The following CYYR1 variants were observed in gnomAD, a reference collection of about 807,000 sequenced individuals.
CYYR1 encodes the protein cysteine and tyrosine rich 1, also known as cysteine and tyrosine-rich protein 1.
CYYR1 carries 14 observed loss-of-function variants against 15.2 expected under a neutral mutation model. That is an observed-to-expected ratio of 0.92 (90% CI 0.61 to 1.44). The LOEUF (loss-of-function observed/expected upper bound fraction) is 1.44. CYYR1 is among the 40% of genes most tolerant of loss of function. The probability of loss-of-function intolerance (pLI) is 0.00; values close to 1 mark genes in which losing one functional copy is unlikely to be tolerated. For synonymous variants in CYYR1, 80 were observed against 77.4 expected, an observed-to-expected ratio of 1.03 and a Z score of -0.18; for missense variants, 228 against 209.5, an observed-to-expected ratio of 1.09 and a Z score of -0.54.
At chr21:26,543,258 G>A (rs149119943) in intron 2 of CYYR1, among the ~76,000 whole-genome samples, 16 of 152,216 alleles carry the variant, frequency 1.1e-4, no homozygotes, top group African/African-American at 3.9e-4. Context: ...TAAGTGGTGG[G>A]TTGACAGGTG....
In CYYR1 at chr21:26,533,759, T is replaced by G. The variant is rs192577892; in HGVS notation, c.176+32507A>C. 1.1e-4 allele frequency among the ~76,000 whole-genome samples: 17 copies of G among 152,302 alleles called. No individual in the cohort carries two copies. In the East Asian group the frequency reaches 1.5e-3, roughly 14 times the overall value. On this transcript the variant is annotated intron_variant, in intron 2 of 3. Transcript: ENST00000652641. ...ATTGCTGTTGTTATTGCTGCTGTTG[T>G]TGGTGTGCGTGTGTATGTATTTTCT...
intron 2 of CYYR1, among the ~76,000 whole-genome samples, chr21:26,545,757 A>AT (rs1033081505): frequency 2.5e-4 from 38 of 150,142 alleles, no homozygotes; most frequent in African/African-American, 8.8e-4. Flanking sequence ...TTTTTTTTGT[A>AT]TTTTTTTAGT....
intron 2 of CYYR1, among the ~76,000 whole-genome samples, chr21:26,498,138 G>A (rs1397060227): frequency 6.6e-6 from 1 of 152,056 alleles, no homozygotes. Flanking sequence ...ATTTTTCTAG[G>A]AGCTGTGGAT....
intron 2 of CYYR1, among the ~76,000 whole-genome samples, chr21:26,496,934 C>G (rs2065412845): frequency 6.6e-6 from 1 of 152,126 alleles, no homozygotes; most frequent in Non-Finnish European, 1.5e-5. Flanking sequence ...CAAAAATTTT[C>G]TTTGTTTTTG....
intron 2 of CYYR1, among the ~76,000 whole-genome samples, chr21:26,493,718 C>T (rs2065358727): frequency 6.6e-6 from 1 of 152,042 alleles, no homozygotes; most frequent in South Asian, 2.1e-4. Flanking sequence ...TTTCTGACAC[C>T]TTGTAGGAAA....
rs760085908 is a variant in CYYR1, at chr21:26,468,622, G to A, written c.347C>T (p.Pro116Leu). ...TVSSYPAGPPPYGHDHEMEYC... is the reference protein window; with the variant it reads ...TVSSYPAGPPLYGHDHEMEYC... ...TTCCATCTCGTGGTCGTGACCGTAG[G>A]GTGGTGGTCCTGCTGAAAAAGAAGG... The change falls in exon 4 of 4, where the codon CCC (proline) becomes CTC (leucine). Residue 116 changes from proline to leucine, a missense_variant. Transcript: ENST00000652641. 6.2e-7 allele frequency: 1 copy of A among 1,605,430 alleles called. No homozygotes were observed. Among genetic ancestry groups the A allele is most frequent in the Admixed American group, 1.7e-5 (1 of 58,784 alleles).
intron 2 of CYYR1, among the ~76,000 whole-genome samples, chr21:26,557,078 G>A (rs1446620043): frequency 1.3e-5 from 2 of 152,084 alleles, no homozygotes; most frequent in African/African-American, 2.4e-5. Context: ...TATACGAAAT[G>A]ACTTATTCTG....
intron 3 of CYYR1, among the ~76,000 whole-genome samples, chr21:26,474,398 T>C (rs921956552): frequency 6.9e-6 from 1 of 145,624 alleles, no homozygotes; most frequent in Admixed American, 6.9e-5. Context: ...AAAAGAAGAA[T>C]ACACCGTGCC....
At chr21:26,520,940 C>T (rs555843320) in intron 2 of CYYR1, among the ~76,000 whole-genome samples, 1 of 152,248 alleles carries the variant, frequency 6.6e-6, no homozygotes, top group Non-Finnish European at 1.5e-5. Flanking sequence ...GAACAGAAAA[C>T]CAAACACTGC....
chr21:26,566,291 A>G lies in CYYR1; in HGVS notation c.151T>C (p.Tyr51His), dbSNP rs1384754638. The G allele has an allele frequency of 1.9e-6, 3 of 1,613,602 alleles. No individual in the cohort carries two copies. The African/African-American group carries it at 4.0e-5, about 22-fold the overall frequency. Residue 51 changes from tyrosine to histidine, a missense_variant, in exon 2 of 4, where the codon TAC (tyrosine) becomes CAC (histidine). Coordinates refer to ENST00000652641, the MANE Select transcript of CYYR1 (RefSeq NM_001320768.2). ...GAGAGGATATTCCCAATATAAGCGT[A>G]GTAGGAGCAACAGTAGGGCGTGGTT... is the stretch of plus-strand genomic sequence containing the variant. ...DGTTPYCCSY[Y>H]AYIGNILSGT...
chr21:26,570,122 TG>T (rs1808797075), intron 1 of CYYR1, among the ~76,000 whole-genome samples: 1 of 152,220 alleles, frequency 6.6e-6, no homozygotes, highest in African/African-American at 2.4e-5. Context: ...CAAAGATCAG[TG>T]TTTGCGCCAT....
chr21:26,551,749 C>G (rs1178081656), intron 2 of CYYR1: 1 of 205,348 alleles, frequency 4.9e-6, no homozygotes, highest in African/African-American at 2.4e-5. Flanking sequence ...GAATCTATTC[C>G]TGGTGAAAAT....
intron 2 of CYYR1, among the ~76,000 whole-genome samples, chr21:26,520,843 T>C (rs1341991062): frequency 6.6e-6 from 1 of 152,174 alleles, no homozygotes; most frequent in Admixed American, 6.6e-5. Context: ...ATGTTGAGCT[T>C]TATGCAACCA....
At chr21:26,516,952 A>G (rs2065735283) in intron 2 of CYYR1, among the ~76,000 whole-genome samples, 1 of 150,534 alleles carries the variant, frequency 6.6e-6, no homozygotes, top group Admixed American at 6.6e-5. Context: ...CGTCTCTACT[A>G]AAAATACAAA....
chr21:26,547,926 T>C (rs938382530), intron 2 of CYYR1, among the ~76,000 whole-genome samples: 7 of 41,204 alleles, frequency 1.7e-4, no homozygotes, highest in African/African-American at 8.3e-4. Context: ...AGAAAGTAGC[T>C]AAACGGAGTA....
At chr21:26,518,224 T>C (rs2065759273) in intron 2 of CYYR1, among the ~76,000 whole-genome samples, 1 of 152,178 alleles carries the variant, frequency 6.6e-6, no homozygotes, top group African/African-American at 2.4e-5. Context: ...ACCACTGACA[T>C]TGGTTGTCTG....
At chr21:26,544,388 G>A (rs978689365) in intron 2 of CYYR1, among the ~76,000 whole-genome samples, 3 of 152,250 alleles carry the variant, frequency 2.0e-5, no homozygotes, top group South Asian at 2.1e-4. Context: ...AACAGAAATC[G>A]TAAAATAAGA....
intron 2 of CYYR1, among the ~76,000 whole-genome samples, chr21:26,560,387 T>C (rs2123713107): frequency 6.6e-6 from 1 of 152,262 alleles, no homozygotes; most frequent in African/African-American, 2.4e-5. Flanking sequence ...CAATTTACTT[T>C]CTTCCTTTCC....
chr21:26,530,401 T>A (rs1413751355), intron 2 of CYYR1, among the ~76,000 whole-genome samples: 1 of 152,046 alleles, frequency 6.6e-6, no homozygotes, highest in Non-Finnish European at 1.5e-5. Context: ...TTTTAATTGT[T>A]AGGATTTTGT....
Sources: gnomAD v4.1 joint callset for allele counts (sites outside exome capture counted in the v4.1 genomes callset) on GRCh38, gnomAD v4.1.1 for gene constraint, MANE v1.5 for transcripts, NCBI Gene and HGNC (gene_info 2026-07-23, HGNC 2026-07-21) for gene names.